The following SLC25A28 variants were observed in gnomAD, a reference collection of about 807,000 sequenced individuals.
SLC25A28 encodes solute carrier family 25 member 28.
Under a neutral mutation model 31.9 loss-of-function variants are expected in SLC25A28, and 10 were observed. The ratio of observed to expected loss-of-function variants is 0.31; its 90% CI spans 0.19 to 0.53. The LOEUF is 0.53. Ranked by LOEUF, SLC25A28 falls within the 20% of genes least tolerant of loss-of-function variation. The pLI is 0.95. For synonymous variants in SLC25A28, 208 were observed against 203.6 expected (o/e 1.02, Z -0.19); for missense variants, 256 against 490.3 (o/e 0.52, Z 4.51).
chr10:99,620,818 A>T, upstream of SLC25A28: 4 of 985,270 alleles, frequency 4.1e-6, no homozygotes, highest in Non-Finnish European at 4.8e-6. Context: ...GCGCCCAGGG[A>T]CTCTAGGGGC....
intron 1 of SLC25A28, chr10:99,615,356 CAAAAA>C (rs146386790): frequency 2.8e-3 from 2,219 of 794,844 alleles, no homozygotes; most frequent in Non-Finnish European, 3.0e-3. Flanking sequence ...AACTCCATCT[CAAAAA>C]AAAAAAAAAA....
chr10:99,656,632 C>T, the SLC25A28 span, among the ~76,000 whole-genome samples: 1 of 152,048 alleles, frequency 6.6e-6, no homozygotes, highest in African/African-American at 2.4e-5. Flanking sequence ...GAAGGAGAAT[C>T]CACAAGGGGA....
At chr10:99,621,128 G>A, upstream of SLC25A28, 1 of 334,704 alleles carries the variant, frequency 3.0e-6, no homozygotes, top group Non-Finnish European at 4.3e-6. Context: ...CATGCGGGCT[G>A]GGAACCGCCT....
At chr10:99,614,189 A>G (rs2034596216) in intron 1 of SLC25A28, among the ~76,000 whole-genome samples, 1 of 152,206 alleles carries the variant, frequency 6.6e-6, no homozygotes, top group African/African-American at 2.4e-5. Flanking sequence ...GTACTCCAAA[A>G]TGATTCAGAG....
At chr10:99,626,605 C>T in the SLC25A28 span, among the ~76,000 whole-genome samples, 30 of 152,094 alleles carry the variant, frequency 2.0e-4, no homozygotes, top group Non-Finnish European at 2.4e-4. Flanking sequence ...ATAAAAACAC[C>T]CAGGTTGTCA....
chr10:99,612,628 T>A, intron 2 of SLC25A28, 29 bp from the exon 3 acceptor site: 1 of 1,613,972 alleles, frequency 6.2e-7, no homozygotes, highest in South Asian at 1.1e-5. Flanking sequence ...CTGCCACATG[T>A]AAGGCCAAGA....
chr10:99,621,102 C>T (rs1565024550), upstream of SLC25A28: 3 of 565,046 alleles, frequency 5.3e-6, no homozygotes, highest in African/African-American at 2.0e-5. Flanking sequence ...GCAGCCTGTC[C>T]GGGAAGCCGT....
the SLC25A28 span, among the ~76,000 whole-genome samples, chr10:99,656,105 T>C: frequency 1.3e-5 from 2 of 151,998 alleles, no homozygotes; most frequent in African/African-American, 4.8e-5. Context: ...TTGGACTATA[T>C]CTCGTCAGAA....
intron 1 of SLC25A28, chr10:99,616,649 G>A (rs986615475): frequency 1.0e-6 from 1 of 985,248 alleles, no homozygotes; most frequent in Non-Finnish European, 1.2e-6. Context: ...TAATCTGAAG[G>A]TCATATGTTC....
At chr10:99,617,220 G>A (rs183609736) in intron 1 of SLC25A28, 392 of 985,354 alleles carry the variant, frequency 4.0e-4, no homozygotes, top group Admixed American at 2.1e-3. Flanking sequence ...GCTTGCCTTT[G>A]AGGCCCAGAA....
chr10:99,627,068 C>A, the SLC25A28 span, among the ~76,000 whole-genome samples: 1 of 152,004 alleles, frequency 6.6e-6, no homozygotes, highest in African/African-American at 2.4e-5. Context: ...TAGTGAAACA[C>A]TGTCTGTACT....
rs749455276 is a variant in SLC25A28 at position 99,613,666 on chromosome 10, T to G, written c.520+30A>C. ...AGCAAAGCCCAAAGAGTTGGGAAAG[T>G]GGGGGAACCAGCACAGGAAGGCTCA... On this transcript the variant is annotated intron_variant, in intron 2 of 3. Coordinates refer to ENST00000370495, the MANE Select transcript of SLC25A28 (RefSeq NM_031212.4). This position sits in a 1 kb window ranked among gnomAD's most constrained non-coding sequence, Gnocchi z 4.9. 6.2e-7 allele frequency: 1 copy of G among 1,614,060 alleles called. No individual in the cohort carries two copies. The highest frequency in any genetic ancestry group is 8.5e-7 in the Non-Finnish European group (1 of 1,179,978).
chr10:99,626,025 C>T, the SLC25A28 span, among the ~76,000 whole-genome samples: 1 of 152,194 alleles, frequency 6.6e-6, no homozygotes, highest in South Asian at 2.1e-4. Context: ...AGAGAAGCTG[C>T]TCTTCCTTAG....
At chr10:99,630,900 G>A in the SLC25A28 span, among the ~76,000 whole-genome samples, 1 of 152,258 alleles carries the variant, frequency 6.6e-6, no homozygotes, top group South Asian at 2.1e-4. Context: ...GGGTTATGTC[G>A]CACAAGGGAA....
chr10:99,620,131 CA>C lies in SLC25A28; in HGVS notation c.204del (p.Gly69GlufsTer21). On this transcript the variant is annotated frameshift_variant, in exon 1 of 4. Coordinates refer to ENST00000370495, the MANE Select transcript of SLC25A28 (RefSeq NM_031212.4). LOFTEE classifies it high-confidence loss of function. ...ACCATGTGCGTGGTGACAGTGGCTC[CA>C]GCCGGCAGCGCCTCGTAGTCCGGGC... is the stretch of plus-strand genomic sequence containing the variant. ...DSGPDYEALP[A>X]GATVTTHMVA... 1 of 1,580,528 alleles carries C rather than the reference CA, an allele frequency of 6.3e-7. No individual in the cohort carries two copies. The highest frequency in any genetic ancestry group is 8.5e-7 in the Non-Finnish European group (1 of 1,171,242).
intron 1 of SLC25A28, chr10:99,618,249 G>A (rs2034702920): frequency 2.1e-6 from 2 of 974,188 alleles, no homozygotes; most frequent in Non-Finnish European, 2.4e-6. Flanking sequence ...ATGGAGTAAG[G>A]AGATAACCTC....
chr10:99,644,475 GT>G, the SLC25A28 span, among the ~76,000 whole-genome samples: 1 of 152,104 alleles, frequency 6.6e-6, no homozygotes, highest in Non-Finnish European at 1.5e-5. Flanking sequence ...CGTGAGATGG[GT>G]TTCTTGAATA....
Position 99,613,692 on chromosome 10 carries a change from A to G in SLC25A28, c.520+4T>C, listed in dbSNP as rs762534174. On this transcript the variant is annotated splice_donor_region_variant and intron_variant, in intron 2 of 3. Transcript: ENST00000370495. This position sits in a 1 kb window ranked among gnomAD's most constrained non-coding sequence, Gnocchi z 4.9. ...GGGGGAACCAGCACAGGAAGGCTCAATACCATTGGCAATATGGCTATTGCC... is the reference window on the plus strand; with the variant it reads ...GGGGGAACCAGCACAGGAAGGCTCAGTACCATTGGCAATATGGCTATTGCC... 1 of 1,614,252 alleles carries G rather than the reference A, an allele frequency of 6.2e-7. No individual in the cohort carries two copies. Among genetic ancestry groups the G allele is most frequent in the Admixed American group, 1.7e-5 (1 of 60,034 alleles).
chr10:99,622,805 A>G (rs2034820607), upstream of SLC25A28: 1 of 549,624 alleles, frequency 1.8e-6, no homozygotes. Context: ...TTGGAACCCT[A>G]TCTTTATTTC....
Sources: allele counts gnomAD v4.1 joint callset (sites outside exome capture counted in the v4.1 genomes callset), GRCh38; gene constraint gnomAD v4.1.1; non-coding constraint Gnocchi (gnomAD v3.1); transcripts MANE v1.5; gene names NCBI Gene and HGNC (gene_info 2026-07-23, HGNC 2026-07-21).